The following GRID1 variants were observed in gnomAD, a reference collection of about 807,000 sequenced individuals.
GRID1 encodes glutamate ionotropic receptor delta type subunit 1, also known as glutamate receptor ionotropic, delta-1.
In GRID1, 28 loss-of-function variants were observed where a neutral mutation model predicts 98.0. The observed-to-expected ratio is 0.29, with a 90% CI of 0.21 to 0.39. The LOEUF (loss-of-function observed/expected upper bound fraction) is 0.39, where lower values mean the gene tolerates loss of function less well. Ranked by LOEUF, GRID1 falls within the 10% of genes least tolerant of loss-of-function variation. The pLI is 1.00. For missense variants in GRID1, 1,111 were observed against 1,340.5 expected (o/e 0.83, Z 2.67); for synonymous variants, 553 against 538.5 (o/e 1.03, Z -0.37).
At chr10:86,160,875 T>G (rs554875459) in intron 3 of GRID1, among the ~76,000 whole-genome samples, 6 of 152,360 alleles carry the variant, frequency 3.9e-5, no homozygotes, top group Non-Finnish European at 8.8e-5. Flanking sequence ...AGCTGTTCTC[T>G]TAAAACGGTA....
chr10:86,286,195 G>A lies in GRID1; in HGVS notation c.235+77746C>T, dbSNP rs200973536. Among the ~76,000 whole-genome samples, 8 of 152,240 alleles carry A rather than the reference G, an allele frequency of 5.3e-5. No individual in the cohort carries two copies. In the East Asian group the frequency reaches 7.7e-4, roughly 15 times the overall value. On this transcript the variant is annotated intron_variant, in intron 2 of 15. Transcript: ENST00000327946. The stretch of plus-strand genomic sequence containing the variant: ...TATAGGTGCATAGGTATATAGAAGT[G>A]TAGATGTATAGTTATAGGATCATCT...
intron 13 of GRID1, among the ~76,000 whole-genome samples, chr10:85,643,186 G>C (rs1017070508): frequency 6.6e-6 from 1 of 152,134 alleles, no homozygotes; most frequent in Non-Finnish European, 1.5e-5. Context: ...AGTCATCAAG[G>C]AGCAACTGAA....
chr10:86,312,695 C>T (rs1457408414), intron 2 of GRID1, among the ~76,000 whole-genome samples: 2 of 152,246 alleles, frequency 1.3e-5, no homozygotes, highest in African/African-American at 4.8e-5. Context: ...ACTTGGGAGA[C>T]TGAGCCTTTT....
chr10:85,788,315 C>T (rs960073151), intron 8 of GRID1, among the ~76,000 whole-genome samples: 5 of 152,112 alleles, frequency 3.3e-5, no homozygotes, highest in African/African-American at 9.7e-5. Context: ...CACGGTTGTC[C>T]GCAGTCCATG....
intron 8 of GRID1, among the ~76,000 whole-genome samples, chr10:85,752,183 G>A (rs1842054425): frequency 6.6e-6 from 1 of 152,142 alleles, no homozygotes; most frequent in South Asian, 2.1e-4. Flanking sequence ...TTATGAGTTA[G>A]AATTGGTGGG....
At position 86,126,357 on chromosome 10, in the gene GRID1, A is replaced by C. The variant is rs113921086; in HGVS notation, c.726+12462T>G. Among the ~76,000 whole-genome samples the C allele has an allele frequency of 8.4e-3, 1,279 of 152,350 alleles. 6 individuals are homozygous for C. Among genetic ancestry groups the C allele is most frequent in the Non-Finnish European group, 0.014 (932 of 68,042 alleles). The stretch of plus-strand genomic sequence containing the variant: ...GTAATCCCAGCTACTCCAGAGGCTG[A>C]GGCAGAGAATTGCTTAAACCTGGAG... On this transcript the variant is annotated intron_variant, in intron 4 of 15. Coordinates refer to ENST00000327946, the MANE Select transcript of GRID1 (RefSeq NM_017551.3).
At chr10:86,324,604 AC>A (rs74888721) in intron 2 of GRID1, among the ~76,000 whole-genome samples, 79,179 of 151,972 alleles carry the variant, frequency 0.52, 23,875 homozygotes, top group Non-Finnish European at 0.67. Context: ...GCTTTAAGGA[AC>A]AAAAACCTGG....
chr10:86,055,605 T>C lies in GRID1; in HGVS notation c.726+83214A>G, dbSNP rs569261609. Reference sequence around the variant, plus strand: ...AAAAAATACAAAAATTAGACAGACATGATGGTGCACGCCTGTAATCCCAGC... The same window carrying C: ...AAAAAATACAAAAATTAGACAGACACGATGGTGCACGCCTGTAATCCCAGC... On this transcript the variant is annotated intron_variant, in intron 4 of 15. Transcript: ENST00000327946. Among the ~76,000 whole-genome samples, 105 of 152,136 alleles carry C rather than the reference T, an allele frequency of 6.9e-4. 1 individual carries two copies. The highest frequency in any genetic ancestry group is 2.4e-3 in the African/African-American group (101 of 41,506).
intron 5 of GRID1, among the ~76,000 whole-genome samples, chr10:85,894,382 CA>C (rs551804285): frequency 6.6e-6 from 1 of 151,730 alleles, no homozygotes; most frequent in Non-Finnish European, 1.5e-5. Flanking sequence ...ATAAGCTCCA[CA>C]AAAAAAGAGT....
Position 85,683,340 on chromosome 10 carries a change from C to G in GRID1, c.1998-35943G>C, listed in dbSNP as rs978355261. Among the ~76,000 whole-genome samples, 8 of 152,242 alleles carry G rather than the reference C, an allele frequency of 5.3e-5. No homozygotes were observed. The East Asian group carries it at 1.4e-3, about 26-fold the overall frequency. On this transcript the variant is annotated intron_variant, in intron 12 of 15. Coordinates refer to ENST00000327946, the MANE Select transcript of GRID1 (RefSeq NM_017551.3). ...CATGTCTCTCTCAGTGACAATATGCCAAAACAATTGACGAGATCTCTATGC... is the reference window on the plus strand; with the variant it reads ...CATGTCTCTCTCAGTGACAATATGCGAAAACAATTGACGAGATCTCTATGC...
At chr10:85,919,488 G>A (rs1841670452) in intron 4 of GRID1, among the ~76,000 whole-genome samples, 1 of 152,158 alleles carries the variant, frequency 6.6e-6, no homozygotes. Context: ...GATTTAGCAG[G>A]AACACTGCCT....
chr10:85,817,841 AGATCTT>A (rs1842729772), intron 8 of GRID1, among the ~76,000 whole-genome samples: 1 of 151,738 alleles, frequency 6.6e-6, no homozygotes, highest in African/African-American at 2.4e-5. Flanking sequence ...CAGTGAGCCG[AGATCTT>A]GCCACTGCCC....
chr10:86,015,492 T>C (rs1194343214), intron 4 of GRID1, among the ~76,000 whole-genome samples: 1 of 152,224 alleles, frequency 6.6e-6, no homozygotes, highest in Non-Finnish European at 1.5e-5. Flanking sequence ...CTAAATATGA[T>C]GAAAACTGAT....
intron 5 of GRID1, among the ~76,000 whole-genome samples, chr10:85,895,018 T>A (rs11201825): frequency 0.022 from 2,344 of 105,588 alleles, 69 homozygotes; most frequent in African/African-American, 0.071. Flanking sequence ...AAAAAAAAAA[T>A]ATATATATAT....
At chr10:86,298,319 T>G (rs923691299) in intron 2 of GRID1, among the ~76,000 whole-genome samples, 1 of 152,208 alleles carries the variant, frequency 6.6e-6, no homozygotes, top group African/African-American at 2.4e-5. Flanking sequence ...AATATGTCTA[T>G]GGACCAAGGA....
At chr10:86,171,974 A>G (rs897394523) in intron 3 of GRID1, among the ~76,000 whole-genome samples, 2 of 152,198 alleles carry the variant, frequency 1.3e-5, no homozygotes, top group African/African-American at 2.4e-5. Context: ...TGTGGTTGGT[A>G]TATTTTTTTC....
At chr10:86,005,907 T>G (rs957395989) in intron 4 of GRID1, among the ~76,000 whole-genome samples, 9 of 152,200 alleles carry the variant, frequency 5.9e-5, no homozygotes, top group African/African-American at 1.9e-4. Flanking sequence ...CATAATCTTA[T>G]GTAGACATAA....
chr10:86,085,799 A>T (rs932663183), intron 4 of GRID1, among the ~76,000 whole-genome samples: 12 of 152,050 alleles, frequency 7.9e-5, no homozygotes, highest in Non-Finnish European at 1.6e-4. Context: ...AGCCCGTGGC[A>T]TCAAACCAGG....
At chr10:86,247,262 T>TGGAC (rs1268065445) in intron 2 of GRID1, among the ~76,000 whole-genome samples, 2 of 147,182 alleles carry the variant, frequency 1.4e-5, no homozygotes, top group African/African-American at 5.1e-5. Context: ...GATGGATAGA[T>TGGAC]GGATGGATGG....
Sources: gnomAD v4.1 joint callset for allele counts (sites outside exome capture counted in the v4.1 genomes callset) on GRCh38, gnomAD v4.1.1 for gene constraint, MANE v1.5 for transcripts, NCBI Gene and HGNC (gene_info 2026-07-23, HGNC 2026-07-21) for gene names.